The following TTLL8 variants were observed in gnomAD, a reference collection of about 807,000 sequenced individuals.
TTLL8 encodes tubulin tyrosine ligase like 8, also known as protein monoglycylase TTLL8.
A neutral mutation model predicts 77.8 loss-of-function variants in TTLL8; 65 were observed. That is an observed-to-expected ratio of 0.84 (90% CI 0.68 to 1.03). The LOEUF (loss-of-function observed/expected upper bound fraction) is 1.03. Ranked by LOEUF, TTLL8 falls within the 50% of genes least tolerant of loss-of-function variation. The pLI is 0.00. For synonymous variants in TTLL8, 402 were observed against 422.8 expected (o/e 0.95, Z 0.60); for missense variants, 910 against 1,004.5 (o/e 0.91, Z 1.27).
chr22:50,043,758 C>T (rs984433314), intron 6 of TTLL8, among the ~76,000 whole-genome samples: 6 of 152,148 alleles, frequency 3.9e-5, no homozygotes, highest in Non-Finnish European at 8.8e-5. Context: ...GTCGAAGAAG[C>T]CCATCTGAAA....
At chr22:50,057,540 G>GTC (rs1569237225), upstream of TTLL8, among the ~76,000 whole-genome samples, 16 of 32,304 alleles carry the variant, frequency 5.0e-4, 1 homozygote, top group African/African-American at 3.2e-3. Flanking sequence ...GGTTGAGCGG[G>GTC]AGGTCTGGGT....
At chr22:50,030,705 T>A (rs2061283234) in exon 12 of TTLL8, 1 of 1,295,440 alleles carries the variant, frequency 7.7e-7, no homozygotes, top group Non-Finnish European at 1.0e-6. Flanking sequence ...GAGCCCCTTC[T>A]CTTCCTTCAG....
At chr22:50,050,056 C>T in intron 2 of TTLL8, 53 bp downstream of exon 4, 1 of 1,347,734 alleles carries the variant, frequency 7.4e-7, no homozygotes, top group East Asian at 4.6e-5. Flanking sequence ...ACTCCTCCTG[C>T]CCGTGACAGA....
chr22:50,027,167 T>C (rs887640002), intron 12 of TTLL8, among the ~76,000 whole-genome samples: 1 of 147,082 alleles, frequency 6.8e-6, no homozygotes, highest in African/African-American at 2.5e-5. Flanking sequence ...ACCCAGGAGG[T>C]GGATGTTGCA....
chr22:50,034,229 G>A lies in TTLL8; in HGVS notation c.1039+116C>T, dbSNP rs573717029. 14 of 1,193,268 alleles carry A rather than the reference G, an allele frequency of 1.2e-5. No homozygotes were observed. In the South Asian group the frequency reaches 2.1e-4, roughly 18 times the overall value. The allele number at this position is 1,193,268 out of a possible 1,614,324, so 73.9% of individuals were successfully genotyped here. ...ACCCCCACGCCTGCCTCGGCGTTCTGCTCCCTCCCTTCCTTCCCTGTGGTG... is the reference window on the plus strand; with the variant it reads ...ACCCCCACGCCTGCCTCGGCGTTCTACTCCCTCCCTTCCTTCCCTGTGGTG... On this transcript the variant is annotated intron_variant, in intron 9 of 13. Coordinates refer to ENST00000266182, the Ensembl canonical transcript of TTLL8. This position sits in a 1 kb window ranked among gnomAD's most constrained non-coding sequence, Gnocchi z 4.1.
rs771504611 is a variant in TTLL8 at position 50,045,975 on chromosome 22, A to G, written c.394-5T>C. On this transcript the variant is annotated splice_polypyrimidine_tract_variant and splice_region_variant and intron_variant, in intron 4 of 13. Coordinates refer to ENST00000266182, the Ensembl canonical transcript of TTLL8. ...CATGTTCACGCACAGCCCGATCTCCAGAGACAGTGGCGTGTTAGGCAGGAG... is the reference window on the plus strand; with the variant it reads ...CATGTTCACGCACAGCCCGATCTCCGGAGACAGTGGCGTGTTAGGCAGGAG... 8.1e-5 allele frequency: 109 copies of G among 1,348,842 alleles called. No homozygotes were observed. Among genetic ancestry groups the G allele is most frequent in the Non-Finnish European group, 9.9e-5 (101 of 1,015,612 alleles). The allele number at this position is 1,348,842 out of a possible 1,614,324, so 83.6% of individuals were successfully genotyped here. A position where few individuals can be genotyped will look rare whatever the true frequency, so the allele number is the denominator to read the frequency against.
chr22:50,048,661 G>A (rs879395889), intron 3 of TTLL8, among the ~76,000 whole-genome samples: 7 of 152,310 alleles, frequency 4.6e-5, no homozygotes, highest in Admixed American at 6.5e-5. Flanking sequence ...TGTGGGAGGC[G>A]CCTCATCAAA....
At chr22:50,029,922 A>G (rs977603010) in intron 12 of TTLL8, among the ~76,000 whole-genome samples, 2 of 151,762 alleles carry the variant, frequency 1.3e-5, no homozygotes, top group African/African-American at 4.8e-5. Context: ...AGCCTGTGGC[A>G]GCCCCTGAAG....
intron 6 of TTLL8, among the ~76,000 whole-genome samples, chr22:50,043,306 G>C (rs529728465): frequency 6.6e-6 from 1 of 150,408 alleles, no homozygotes; most frequent in Admixed American, 6.6e-5. Context: ...CAGTGGTGCC[G>C]ACATGTTCTT....
chr22:50,047,712 C>T (rs1488869756), intron 3 of TTLL8, among the ~76,000 whole-genome samples: 2 of 152,190 alleles, frequency 1.3e-5, no homozygotes, highest in Non-Finnish European at 2.9e-5. Context: ...ACTGGCCTCC[C>T]GCTCCTCCCC....
intron 12 of TTLL8, among the ~76,000 whole-genome samples, chr22:50,019,946 G>GA (rs1483045392): frequency 1.3e-5 from 2 of 151,844 alleles, no homozygotes; most frequent in Non-Finnish European, 2.9e-5. Context: ...AATGATGAAA[G>GA]AAAAAACATA....
chr22:50,030,894 G>T, exon 12 of TTLL8: 1 of 1,323,420 alleles, frequency 7.6e-7, no homozygotes, highest in Non-Finnish European at 9.9e-7. Flanking sequence ...GCAGAGGTCG[G>T]ACCCGCTGAA....
chr22:50,032,170 C>T (rs568705098), intron 10 of TTLL8, 61 bp from the exon 12 acceptor site: 91 of 1,296,536 alleles, frequency 7.0e-5, no homozygotes, highest in Admixed American at 1.5e-4. Context: ...CACCCAAGGC[C>T]GGTCCTCCCA....
At chr22:50,039,331 CG>C (rs1460138802) in intron 8 of TTLL8, among the ~76,000 whole-genome samples, 1 of 151,972 alleles carries the variant, frequency 6.6e-6, no homozygotes, top group Non-Finnish European at 1.5e-5. Flanking sequence ...AGATTTAGGC[CG>C]GGTGCAGTGG....
chr22:50,052,595 T>C (rs2061450160), intron 1 of TTLL8, among the ~76,000 whole-genome samples: 2 of 151,992 alleles, frequency 1.3e-5, no homozygotes, highest in South Asian at 2.1e-4. Flanking sequence ...ATCAAACACA[T>C]AGGTATACAG....
chr22:50,057,970 G>A (rs542585668), upstream of TTLL8, among the ~76,000 whole-genome samples: 23 of 152,052 alleles, frequency 1.5e-4, 2 homozygotes, highest in South Asian at 4.4e-3. Context: ...CGAGCTAGGC[G>A]GGTCTGGGAT....
intron 12 of TTLL8, among the ~76,000 whole-genome samples, chr22:50,022,961 CCAACACG>C (rs2061213354): frequency 1.3e-5 from 2 of 152,118 alleles, no homozygotes; most frequent in Non-Finnish European, 2.9e-5. Context: ...GGTGAATTTA[CCAACACG>C]TCAGGACAGA....
At chr22:50,039,704 G>C (rs572911287) in intron 8 of TTLL8, among the ~76,000 whole-genome samples, 1 of 149,000 alleles carries the variant, frequency 6.7e-6, no homozygotes, top group South Asian at 2.2e-4. Flanking sequence ...CGGATCTCAT[G>C]TGTGTCAGTG....
chr22:50,049,802 G>A (rs1358760434), intron 2 of TTLL8, among the ~76,000 whole-genome samples: 3 of 152,158 alleles, frequency 2.0e-5, no homozygotes, highest in Non-Finnish European at 2.9e-5. Context: ...AGGGACCTGG[G>A]GCTGGAGGAG....
Sources: allele counts gnomAD v4.1 joint callset (sites outside exome capture counted in the v4.1 genomes callset), GRCh38; gene constraint gnomAD v4.1.1; non-coding constraint Gnocchi (gnomAD v3.1); transcripts MANE v1.5; gene names NCBI Gene and HGNC (gene_info 2026-07-23, HGNC 2026-07-21).